Variants in PXDN observed in about 807,000 individuals in gnomAD.
PXDN encodes peroxidasin.
In PXDN, 77 loss-of-function variants were observed where a neutral mutation model predicts 140.3. The ratio of observed to expected loss-of-function variants is 0.55; its 90% CI spans 0.46 to 0.66. PXDN has a LOEUF of 0.66. Ranked by LOEUF, PXDN falls within the 30% of genes least tolerant of loss-of-function variation. PXDN has a pLI of 0.00. For missense variants in PXDN, 1,838 were observed against 2,039.5 expected (o/e 0.90, Z 1.90); for synonymous variants, 911 against 857.4 (o/e 1.06, Z -1.09).
chr2:1,662,532 T>C (rs547421251), intron 12 of PXDN, among the ~76,000 whole-genome samples: 38 of 152,258 alleles, frequency 2.5e-4, no homozygotes, highest in African/African-American at 8.7e-4. Context: ...GTCTCAGGCA[T>C]ATGCTGTGCC....
chr2:1,721,278 C>T (rs941597701), intron 1 of PXDN, among the ~76,000 whole-genome samples: 2 of 152,196 alleles, frequency 1.3e-5, no homozygotes, highest in Non-Finnish European at 2.9e-5. Context: ...ATGAAGCCAA[C>T]TTAGAAGTGT....
In PXDN at chr2:1,677,022, C is replaced by T. The variant is rs1683735479; in HGVS notation, c.753G>A (p.Glu251=). The T allele has an allele frequency of 2.5e-6, 4 of 1,608,038 alleles. No homozygotes were observed. The highest frequency in any genetic ancestry group is 2.7e-5 in the African/African-American group (2 of 74,830). Residue 251 remains glutamate, a synonymous_variant, in exon 8 of 23, where the codon GAG becomes GAA. Coordinates refer to ENST00000252804, the MANE Select transcript of PXDN (RefSeq NM_012293.3). ...CCGAGGTCACATCTGCGTCCTGGGG[C>T]TCGGAGGTGATCCGGGGCCTTTCTG... ...LNCERPRITS[E]PQDADVTSGN...
chr2:1,684,993 A>C (rs899509030), intron 4 of PXDN, among the ~76,000 whole-genome samples: 1 of 152,224 alleles, frequency 6.6e-6, no homozygotes, highest in African/African-American at 2.4e-5. Flanking sequence ...ATGAGCAAAG[A>C]AGCAGCATGC....
intron 1 of PXDN, among the ~76,000 whole-genome samples, chr2:1,697,568 ATTATT>A (rs1684326377): frequency 6.6e-6 from 1 of 152,118 alleles, no homozygotes; most frequent in Non-Finnish European, 1.5e-5. Flanking sequence ...AAACAGAATT[ATTATT>A]TTAACAATCA....
Position 1,641,937 on chromosome 2 carries a change from T to C in PXDN, c.3952+1431A>G, listed in dbSNP as rs933813288. ...TTTTCTACAAACAGAACAAATTTTC[T>C]ACCATGCTTGTAGAAAAGCATTTTG... On this transcript the variant is annotated intron_variant, in intron 19 of 22. Transcript: ENST00000252804. Among the ~76,000 whole-genome samples, 3 of 152,200 alleles carry C rather than the reference T, an allele frequency of 2.0e-5. No homozygotes were observed. In the South Asian group the frequency reaches 6.2e-4, roughly 32 times the overall value.
chr2:1,636,578 G>T, intron 21 of PXDN: 1 of 152,138 alleles, frequency 6.6e-6, no homozygotes, highest in Non-Finnish European at 1.5e-5. Flanking sequence ...TACTCACTTT[G>T]GGAAATGCCT....
chr2:1,739,800 G>A (rs1014518213), intron 1 of PXDN, among the ~76,000 whole-genome samples: 15 of 152,052 alleles, frequency 9.9e-5, no homozygotes, highest in African/African-American at 3.4e-4. Context: ...GAAAATGTTT[G>A]GTCCGCCCAC....
chr2:1,729,832 A>T (rs1685272969), intron 1 of PXDN, among the ~76,000 whole-genome samples: 1 of 152,256 alleles, frequency 6.6e-6, no homozygotes, highest in Admixed American at 6.5e-5. Context: ...AGTAGAAACA[A>T]AGAAATGACC....
rs370944737 is a variant in PXDN at position 1,648,385 on chromosome 2, G to A, written c.3395C>T (p.Ser1132Leu). Reference protein sequence around the residue: ...FGVAGKMRVPSQLLNTELTER... With the variant: ...FGVAGKMRVPLQLLNTELTER... ...CGTGAGCTCCGTGTTCAGCAGCTGC[G>A]AGGGCACACGCATTTTCCCCGCCAC... The change falls in exon 17 of 23, where the codon TCG becomes TTG. Residue 1132 changes from serine (S) to leucine (L), a missense_variant. Coordinates refer to ENST00000252804, the MANE Select transcript of PXDN (RefSeq NM_012293.3). The surrounding 1 kb of genome is among the most constrained non-coding windows in gnomAD (Gnocchi z 8.9). The A allele has an allele frequency of 1.5e-5, 25 of 1,612,910 alleles. No individual in the cohort carries two copies. In the African/African-American group the frequency reaches 2.5e-4, roughly 16 times the overall value.
intron 10 of PXDN, among the ~76,000 whole-genome samples, chr2:1,665,450 C>T (rs1424944974): frequency 2.0e-5 from 3 of 152,326 alleles, no homozygotes; most frequent in South Asian, 4.1e-4. Flanking sequence ...TCTGGTATAG[C>T]TGTGTATGAT....
intron 14 of PXDN, among the ~76,000 whole-genome samples, chr2:1,659,236 G>C (rs1392293141): frequency 6.6e-6 from 1 of 152,218 alleles, no homozygotes; most frequent in Non-Finnish European, 1.5e-5. Flanking sequence ...ATGTGGATTA[G>C]GTGAGCTCAT....
At chr2:1,725,472 C>A (rs528504806) in intron 1 of PXDN, among the ~76,000 whole-genome samples, 68 of 151,946 alleles carry the variant, frequency 4.5e-4, no homozygotes, top group African/African-American at 1.6e-3. Context: ...ACCATAAAAA[C>A]CCTAGAAGAA....
rs575555212 is a variant in PXDN at position 1,741,233 on chromosome 2, G to A, written c.200+3023C>T. Among the ~76,000 whole-genome samples the A allele has an allele frequency of 5.3e-5, 8 of 152,178 alleles. No homozygotes were observed. In the East Asian group the frequency reaches 1.2e-3, roughly 22 times the overall value. On this transcript the variant is annotated intron_variant, in intron 1 of 22. Coordinates refer to ENST00000252804, the MANE Select transcript of PXDN (RefSeq NM_012293.3). Reference sequence around the variant, plus strand: ...GGTTGAGAGGAGGAAAGGAAGGGGCGTACAACGGCATACTTTATCTTTAAT... The same window carrying A: ...GGTTGAGAGGAGGAAAGGAAGGGGCATACAACGGCATACTTTATCTTTAAT...
chr2:1,659,658 CA>C (rs1683257847), intron 14 of PXDN, among the ~76,000 whole-genome samples: 2 of 152,118 alleles, frequency 1.3e-5, no homozygotes, highest in South Asian at 4.1e-4. Flanking sequence ...AAGCAAAAAA[CA>C]AATATTAATT....
In PXDN at chr2:1,634,868, A is replaced by G. The variant is rs558334282; in HGVS notation, c.4320+540T>C. On this transcript the variant is annotated intron_variant, in intron 22 of 22. Transcript: ENST00000252804. ...ATCCTGCCTCCTCACACTATGCCCC[A>G]AGCTTTCCACGGAGCCTGGTTCCAG... Among the ~76,000 whole-genome samples, 5 of 152,218 alleles carry G rather than the reference A, an allele frequency of 3.3e-5. No homozygotes were observed. The South Asian group carries it at 8.3e-4, about 25-fold the overall frequency.
rs983404207 is a variant in PXDN at position 1,643,273 on chromosome 2, G to T, written c.3952+95C>A. ...TGAATATTTTGTTTTCAGTTTTCAA[G>T]ATTAGGATGACATCTGCAGGTCATT... On this transcript the variant is annotated intron_variant, in intron 19 of 22. Transcript: ENST00000252804. 1.1e-4 allele frequency: 142 copies of T among 1,254,674 alleles called. 1 individual carries two copies. The highest frequency in any genetic ancestry group is 1.0e-3 in the Middle Eastern group (4 of 3,856). The allele number at this position is 1,254,674 out of a possible 1,614,324, so 77.7% of individuals were successfully genotyped here.
In PXDN at chr2:1,662,115, C is replaced by T; in HGVS notation, c.1637G>A (p.Cys546Tyr). 6.3e-7 allele frequency: 1 copy of T among 1,598,050 alleles called. No homozygotes were observed. Among genetic ancestry groups the T allele is most frequent in the African/African-American group, 1.3e-5 (1 of 74,844 alleles). The change falls in exon 13 of 23, where the codon TGC (cysteine) becomes TAC (tyrosine). Residue 546 changes from cysteine to tyrosine, a missense_variant. Cys to Tyr is a radical substitution (Grantham distance 194, BLOSUM62 -2). Transcript: ENST00000252804. ...TGGCTCGGGCTCGCCCTGGGAGCTG[C>T]ACGGGAGCTGCACATTGGCGCCCAC... ...VEVGANVQLP[C>Y]SSQGEPEPAI... is the part of the protein sequence containing the mutation.
At chr2:1,637,184 G>C (rs1476013750) in intron 21 of PXDN, 1 of 152,668 alleles carries the variant, frequency 6.6e-6, no homozygotes, top group Non-Finnish European at 1.5e-5. Context: ...GGCCTGCCCT[G>C]AATGACCTTG....
At chr2:1,647,929 CA>C (rs1558487885) in intron 17 of PXDN, among the ~76,000 whole-genome samples, 1 of 152,178 alleles carries the variant, frequency 6.6e-6, no homozygotes, top group Non-Finnish European at 1.5e-5. Context: ...TCTCTTGGAA[CA>C]AAACAGGCCG....
Sources: gnomAD v4.1 joint callset for allele counts (sites outside exome capture counted in the v4.1 genomes callset) on GRCh38, gnomAD v4.1.1 for gene constraint, Gnocchi (gnomAD v3.1) non-coding constraint, MANE v1.5 for transcripts, NCBI Gene and HGNC (gene_info 2026-07-23, HGNC 2026-07-21) for gene names.